Variants in SDK1 observed in about 807,000 individuals in gnomAD.
SDK1 encodes protein sidekick-1.
SDK1 carries 157 observed loss-of-function variants against 245.5 expected under a neutral mutation model. The ratio of observed to expected loss-of-function variants is 0.64; its 90% CI spans 0.56 to 0.73. SDK1 has a LOEUF of 0.73. Among genes scored for constraint, SDK1 ranks in the 30% least tolerant of loss-of-function variants. The pLI, the probability that SDK1 is intolerant of heterozygous loss-of-function variation, is 0.00. For missense variants in SDK1, 3,583 were observed against 3,002.3 expected (o/e 1.19, Z -4.52); for synonymous variants, 1,647 against 1,278.5 (o/e 1.29, Z -6.15).
At chr7:3,964,558 GCTCT>G (rs1485532700) in intron 9 of SDK1, among the ~76,000 whole-genome samples, 1 of 151,862 alleles carries the variant, frequency 6.6e-6, no homozygotes, top group African/African-American at 2.4e-5. Flanking sequence ...AAATACCTTG[GCTCT>G]CTGTCTTTGA....
chr7:4,049,379 G>C lies in SDK1; in HGVS notation c.2634G>C (p.Thr878=), dbSNP rs139642198. The stretch of plus-strand genomic sequence containing the variant: ...CCGCGCCCCCGCAGAACGTGCAGAC[G>C]GAAGCCGTGAACTCCACCACCATTC... ...VPTAPPQNVQ[T]EAVNSTTIQF... Residue 878 remains threonine (T), a synonymous_variant, in exon 18 of 45, where the codon ACG becomes ACC. Transcript: ENST00000404826. 6.2e-7 allele frequency: 1 copy of C among 1,614,092 alleles called. No homozygotes were observed. The highest frequency in any genetic ancestry group is 8.5e-7 in the Non-Finnish European group (1 of 1,180,014).
intron 5 of SDK1, among the ~76,000 whole-genome samples, chr7:3,844,445 C>T (rs1335697756): frequency 6.6e-6 from 1 of 152,176 alleles, no homozygotes; most frequent in East Asian, 1.9e-4. Flanking sequence ...ACTCAGGACC[C>T]TTGATGTGCT....
chr7:3,765,228 A>T lies in SDK1; in HGVS notation c.714-56222A>T, dbSNP rs78147552. Among the ~76,000 whole-genome samples, 877 of 152,272 alleles carry T rather than the reference A, an allele frequency of 5.8e-3. 6 individuals carry two copies. The highest frequency in any genetic ancestry group is 0.02 in the African/African-American group (821 of 41,556). On this transcript the variant is annotated intron_variant, in intron 4 of 44. Transcript: ENST00000404826. Reference sequence around the variant, plus strand: ...TTTTACTCAGGATAATGTTTCTGAGATGCATCCATATATTAGTAGTTTGTT... The same window carrying T: ...TTTTACTCAGGATAATGTTTCTGAGTTGCATCCATATATTAGTAGTTTGTT...
chr7:4,232,043 T>C (rs1019802737), intron 40 of SDK1, among the ~76,000 whole-genome samples: 3 of 31,400 alleles, frequency 9.6e-5, no homozygotes, highest in East Asian at 6.9e-3. Context: ...CTGAGCCTAC[T>C]TTTTTTTTTT....
rs532143611 is a variant in SDK1, at chr7:3,573,332, C to T, written c.299-45748C>T. Among the ~76,000 whole-genome samples the T allele has an allele frequency of 6.9e-4, 105 of 152,200 alleles. 1 individual carries two copies. The South Asian group carries it at 7.3e-3, about 11-fold the overall frequency. On this transcript the variant is annotated intron_variant, in intron 1 of 44. Transcript: ENST00000404826. ...AAGAACACATGTGATTACGCAGAGG[C>T]GGGGCCGGTGGGGCCAGAGAGAGCC...
At chr7:3,736,328 C>T (rs565289515) in intron 4 of SDK1, among the ~76,000 whole-genome samples, 11 of 152,308 alleles carry the variant, frequency 7.2e-5, no homozygotes, top group Admixed American at 5.2e-4. Flanking sequence ...GAGTCTTGCT[C>T]TGTCGCCCAG....
chr7:3,621,010 T>C (rs552615878), intron 2 of SDK1, among the ~76,000 whole-genome samples: 1 of 152,276 alleles, frequency 6.6e-6, no homozygotes, highest in Admixed American at 6.5e-5. Context: ...AATGGTGTTA[T>C]AACTTTAGGC....
chr7:3,583,262 C>G (rs114078883), intron 1 of SDK1, among the ~76,000 whole-genome samples: 3 of 152,178 alleles, frequency 2.0e-5, no homozygotes, highest in South Asian at 2.1e-4. Context: ...AAATAACATT[C>G]TCCATCTTTC....
rs748246232 is a variant in SDK1, at chr7:4,149,284, G to A, written c.4446G>A (p.Glu1482=). Residue 1482 remains glutamate (E), a synonymous_variant, in exon 30 of 45, where the codon GAG becomes GAA. Transcript: ENST00000404826. The part of the protein sequence containing the change: ...EKRERPAPPR[E]LLVPQAEVTA... ...CAGAGCGGCCGGCACCCCCCAGAGA[G>A]CTCCTGGTGCCCCAGGCAGAAGTGA... 1.7e-5 allele frequency: 26 copies of A among 1,549,190 alleles called. No homozygotes were observed. The highest frequency in any genetic ancestry group is 2.1e-5 in the Non-Finnish European group (24 of 1,147,640).
chr7:4,248,673 C>T (rs1160630868), intron 44 of SDK1, among the ~76,000 whole-genome samples: 1 of 151,932 alleles, frequency 6.6e-6, no homozygotes, highest in East Asian at 1.9e-4. Context: ...TAACTACACA[C>T]CTGAATACAT....
chr7:3,925,212 T>A (rs1779727535), intron 5 of SDK1, among the ~76,000 whole-genome samples: 3 of 151,154 alleles, frequency 2.0e-5, no homozygotes, highest in Admixed American at 6.6e-5. Context: ...TTGGGAACTC[T>A]AAGGAGACTG....
intron 2 of SDK1, among the ~76,000 whole-genome samples, chr7:3,627,271 G>T (rs1011005430): frequency 6.6e-6 from 1 of 152,124 alleles, no homozygotes; most frequent in African/African-American, 2.4e-5. Flanking sequence ...TCCTATTAGT[G>T]TGGCTACTTC....
chr7:3,720,132 A>G (rs1785323478), intron 4 of SDK1, among the ~76,000 whole-genome samples: 1 of 152,092 alleles, frequency 6.6e-6, no homozygotes, highest in Non-Finnish European at 1.5e-5. Context: ...TATTAAGAGT[A>G]TAAAAACCAG....
intron 5 of SDK1, among the ~76,000 whole-genome samples, chr7:3,845,488 C>CAA (rs369588343): frequency 0.036 from 1,397 of 39,040 alleles, 104 homozygotes; most frequent in African/African-American, 0.092. Flanking sequence ...GACTCCGTCT[C>CAA]AAAAAAAAAA....
At chr7:3,858,092 T>C (rs934133458) in intron 5 of SDK1, among the ~76,000 whole-genome samples, 2 of 152,196 alleles carry the variant, frequency 1.3e-5, no homozygotes, top group African/African-American at 4.8e-5. Context: ...TAATGAATGG[T>C]TTAAACCATA....
intron 1 of SDK1, among the ~76,000 whole-genome samples, chr7:3,549,011 G>GC (rs142100037): frequency 6.6e-6 from 1 of 152,120 alleles, no homozygotes; most frequent in African/African-American, 2.4e-5. Flanking sequence ...GAGGTGAGGC[G>GC]CCCCCCTTCC....
chr7:4,094,581 C>A (rs1036520089), intron 22 of SDK1, among the ~76,000 whole-genome samples: 11 of 152,306 alleles, frequency 7.2e-5, no homozygotes, highest in Admixed American at 6.5e-4. Context: ...AGCAAGATAC[C>A]AAGACCTCAT....
chr7:3,611,887 A>G (rs944428602), intron 1 of SDK1, among the ~76,000 whole-genome samples: 2 of 152,166 alleles, frequency 1.3e-5, no homozygotes, highest in Non-Finnish European at 2.9e-5. Context: ...GAGAATGTAA[A>G]TTAGTACGAC....
chr7:3,680,690 A>G (rs1784073625), intron 4 of SDK1, among the ~76,000 whole-genome samples: 1 of 152,202 alleles, frequency 6.6e-6, no homozygotes, highest in African/African-American at 2.4e-5. Context: ...TTGTCAAGTA[A>G]CTATTTGCAT....
Sources: allele counts gnomAD v4.1 joint callset (sites outside exome capture counted in the v4.1 genomes callset), GRCh38; gene constraint gnomAD v4.1.1; transcripts MANE v1.5; gene names NCBI Gene and HGNC (gene_info 2026-07-23, HGNC 2026-07-21).